The following HNRNPAB variants were observed in gnomAD, a reference collection of about 807,000 sequenced individuals.
HNRNPAB encodes heterogeneous nuclear ribonucleoprotein A/B.
HNRNPAB carries 17 observed loss-of-function variants against 44.1 expected under a neutral mutation model. That is an observed-to-expected ratio of 0.39 (90% CI 0.26 to 0.58). HNRNPAB has a LOEUF of 0.58. Ranked by LOEUF, HNRNPAB falls within the 20% of genes least tolerant of loss-of-function variation. The probability of loss-of-function intolerance (pLI) is 0.63; values close to 1 mark genes in which losing one functional copy is unlikely to be tolerated. For missense variants in HNRNPAB, 393 were observed against 432.7 expected (o/e 0.91, Z 0.81); for synonymous variants, 183 against 167.6 (o/e 1.09, Z -0.71).
At chr5:178,208,877 C>T (rs1310251330) in intron 5 of HNRNPAB, 1 of 154,348 alleles carries the variant, frequency 6.5e-6, no homozygotes, top group Non-Finnish European at 1.4e-5. Flanking sequence ...GTCAGGCTCG[C>T]CTTCTCAATA....
intron 5 of HNRNPAB, chr5:178,208,377 G>C (rs1293267504): frequency 6.6e-6 from 1 of 152,224 alleles, no homozygotes; most frequent in African/African-American, 2.4e-5. Context: ...TATTACTCCA[G>C]TGGACAGTGA....
rs1756977902 is a variant in HNRNPAB, at chr5:178,204,818, C to T, written c.-20C>T. On this transcript the variant is annotated 5_prime_UTR_variant, in exon 2 of 8. Transcript: ENST00000358344. Reference sequence around the variant, plus strand: ...GCGCTGTCGCCGCTGGTTGCAGGAGCCGCCGCGCCTCGGCCTAGCATGTCG... The same window carrying T: ...GCGCTGTCGCCGCTGGTTGCAGGAGTCGCCGCGCCTCGGCCTAGCATGTCG... 8.2e-7 allele frequency: 1 copy of T among 1,214,068 alleles called. No homozygotes were observed. The highest frequency in any genetic ancestry group is 1.0e-6 in the Non-Finnish European group (1 of 976,498). The allele number at this position is 1,214,068 out of a possible 1,614,324, so 75.2% of individuals were successfully genotyped here.
In HNRNPAB at chr5:178,204,735, G is replaced by A. The variant is rs999977012; in HGVS notation, c.-29G>A. On this transcript the variant is annotated 5_prime_UTR_variant, in exon 1 of 8. Coordinates refer to ENST00000358344, the MANE Select transcript of HNRNPAB (RefSeq NM_031266.3). ...GAGCGGGCCCCGCGGCGTCATCGGC[G>A]GCGAGGTGAGCGGCGGCCGGCGGGC... is the stretch of plus-strand genomic sequence containing the variant. 1 of 663,658 alleles carries A rather than the reference G, an allele frequency of 1.5e-6. No individual in the cohort carries two copies. Among genetic ancestry groups the A allele is most frequent in the African/African-American group, 1.9e-5 (1 of 51,996 alleles). 41.1% of individuals were successfully genotyped at this position (663,658 alleles called of 1,614,324 possible).
chr5:178,204,766 C>A (rs1391100167), intron 1 of HNRNPAB, 26 bp downstream of exon 1: 4 of 1,008,374 alleles, frequency 4.0e-6, no homozygotes, highest in Non-Finnish European at 5.0e-6. Flanking sequence ...CGGGCGGGAG[C>A]TCTGGCGGGA....
At chr5:178,205,796 C>T (rs754203677) in intron 2 of HNRNPAB, 46 bp from the exon 3 acceptor site, 22 of 1,584,592 alleles carry the variant, frequency 1.4e-5, no homozygotes, top group Middle Eastern at 1.7e-4. Context: ...AAAATCACAG[C>T]TTGCTTACAA....
In HNRNPAB at chr5:178,204,915, C is replaced by T; in HGVS notation, c.78C>T (p.Gly26=). The part of the protein sequence containing the change: ...TENGHEAVPE[G]ESPAGAGTGA... ...ACGGACATGAGGCCGTCCCCGAAGG[C>T]GAGTCGCCGGCCGGGGCTGGCACGG... Residue 26 remains glycine (G), a synonymous_variant, in exon 2 of 8, where the codon GGC becomes GGT. Transcript: ENST00000358344. The T allele has an allele frequency of 8.3e-7, 1 of 1,210,712 alleles. No homozygotes were observed. The highest frequency in any genetic ancestry group is 1.0e-6 in the Non-Finnish European group (1 of 974,340). 75.0% of individuals were successfully genotyped at this position (1,210,712 alleles called of 1,614,324 possible).
At chr5:178,210,520 A>C (rs1757919001) in intron 7 of HNRNPAB, 33 bp from the exon 8 acceptor site, 8 of 1,606,364 alleles carry the variant, frequency 5.0e-6, no homozygotes, top group Non-Finnish European at 6.8e-6. Context: ...AATGCTTGTA[A>C]ATAGTAGCTG....
intron 6 of HNRNPAB, among the ~76,000 whole-genome samples, 158 bp from the exon 7 acceptor site, chr5:178,209,974 G>A (rs1021580714): frequency 9.7e-6 from 1 of 103,126 alleles, no homozygotes; most frequent in Non-Finnish European, 1.9e-5. Flanking sequence ...CAGATGCAGG[G>A]TTGGGCCCAG....
At chr5:178,205,725 C>G in intron 2 of HNRNPAB, 117 bp from the exon 3 acceptor site, 1 of 905,974 alleles carries the variant, frequency 1.1e-6, no homozygotes, top group Non-Finnish European at 1.7e-6. Context: ...TAAGGTGCTC[C>G]TTGCAGACTC....
Sources: allele counts gnomAD v4.1 joint callset (sites outside exome capture counted in the v4.1 genomes callset), GRCh38; gene constraint gnomAD v4.1.1; transcripts MANE v1.5; gene names NCBI Gene and HGNC (gene_info 2026-07-23, HGNC 2026-07-21).